Variants in ARID4B observed in about 807,000 individuals in gnomAD.
ARID4B encodes AT-rich interactive domain-containing protein 4B.
Under a neutral mutation model 147.5 loss-of-function variants are expected in ARID4B, and 26 were observed. The observed-to-expected ratio is 0.18, with a 90% confidence interval of 0.13 to 0.24. The LOEUF is 0.24. Ranked by LOEUF, ARID4B falls within the 10% of genes least tolerant of loss-of-function variation. ARID4B has a pLI of 1.00. For missense variants in ARID4B, 1,179 were observed against 1,511.5 expected, an observed-to-expected ratio of 0.78 and a Z score of 3.65; for synonymous variants, 512 against 507.9, an observed-to-expected ratio of 1.01 and a Z score of -0.11.
chr1:235,175,292 C>A lies in ARID4B; in HGVS notation c.3556G>T (p.Ala1186Ser), dbSNP rs769852275. The A allele has an allele frequency of 1.9e-6, 3 of 1,614,044 alleles. No individual in the cohort carries two copies. Among genetic ancestry groups the A allele is most frequent in the Admixed American group, 1.7e-5 (1 of 60,004 alleles). Residue 1186 changes from alanine (A) to serine (S), a missense_variant, in exon 22 of 24, where the codon GCA becomes TCA. Transcript: ENST00000264183. ...GMKSHSTKSP[A>S]RTQSPGKCGK... is the part of the protein sequence containing the mutation. ...CATTTTCCTGGAGACTGCGTCCTTG[C>A]GGGAGATTTGGTACTATGAGACTTC...
At chr1:235,220,898 TTG>T (rs1471930427) in intron 14 of ARID4B, among the ~76,000 whole-genome samples, 4 of 151,526 alleles carry the variant, frequency 2.6e-5, no homozygotes, top group Non-Finnish European at 5.9e-5. Context: ...TTGTTTTTTT[TTG>T]TTTTTTTTTG....
intron 19 of ARID4B, among the ~76,000 whole-genome samples, chr1:235,183,159 G>C (rs1449704572): frequency 2.0e-5 from 3 of 150,458 alleles, no homozygotes; most frequent in Non-Finnish European, 4.4e-5. Flanking sequence ...ATATATCTGA[G>C]AAAATAGTGG....
intron 20 of ARID4B, among the ~76,000 whole-genome samples, chr1:235,179,499 G>C (rs1316673144): frequency 3.7e-5 from 4 of 109,094 alleles, no homozygotes; most frequent in Non-Finnish European, 5.5e-5. Flanking sequence ...CTCCAGCCTG[G>C]GCAACAAGAG....
At chr1:235,223,369 G>GTATATATATATATATATATATACACGTA in intron 12 of ARID4B, 109 bp from the exon 13 acceptor site, 1 of 165,692 alleles carries the variant, frequency 6.0e-6, no homozygotes, top group Non-Finnish European at 1.1e-5. Context: ...ATATATACAC[G>GTATATATATATATATATATATACACGTA]TATATATATA....
chr1:235,177,112 T>C (rs978393916), intron 21 of ARID4B, among the ~76,000 whole-genome samples: 1 of 152,232 alleles, frequency 6.6e-6, no homozygotes, highest in Non-Finnish European at 1.5e-5. Context: ...ACAAATGTTG[T>C]AGACTGGAGT....
intron 19 of ARID4B, among the ~76,000 whole-genome samples, chr1:235,191,560 G>C (rs189026104): frequency 1.3e-5 from 2 of 151,982 alleles, no homozygotes; most frequent in African/African-American, 4.8e-5. Flanking sequence ...CCAGCCAAAT[G>C]TGTCAGATAT....
chr1:235,229,228 T>C lies in ARID4B; in HGVS notation c.897+3A>G, dbSNP rs1268964879. 1 of 1,608,170 alleles carries C rather than the reference T, an allele frequency of 6.2e-7. No homozygotes were observed. Among genetic ancestry groups the C allele is most frequent in the South Asian group, 1.1e-5 (1 of 89,898 alleles). ...TTAAAAGGTATCAACTGTTTTCACT[T>C]ACTTCTTCTTCACTGCTATTATCCT... On this transcript the variant is annotated splice_donor_region_variant and intron_variant, in intron 11 of 23. Coordinates refer to ENST00000264183, the MANE Select transcript of ARID4B (RefSeq NM_016374.6).
chr1:235,186,124 C>T (rs954026052), intron 19 of ARID4B, among the ~76,000 whole-genome samples: 7 of 151,902 alleles, frequency 4.6e-5, no homozygotes, highest in Admixed American at 3.3e-4. Flanking sequence ...TGCATGCCAC[C>T]ACACCCAGCT....
At chr1:235,208,761 C>T (rs1666499587) in intron 17 of ARID4B, among the ~76,000 whole-genome samples, 1 of 152,148 alleles carries the variant, frequency 6.6e-6, no homozygotes, top group Non-Finnish European at 1.5e-5. Flanking sequence ...AGGTGATCCG[C>T]CCACCTCGGC....
At chr1:235,242,602 T>G (rs1669060076) in intron 7 of ARID4B, among the ~76,000 whole-genome samples, 1 of 152,210 alleles carries the variant, frequency 6.6e-6, no homozygotes, top group Non-Finnish European at 1.5e-5. Context: ...ATGTCAGAGA[T>G]AACACATATC....
At position 235,257,225 on chromosome 1, in the gene ARID4B, C is replaced by A. The variant is rs1670040391; in HGVS notation, c.118G>T (p.Val40Leu). ...KTAKRLVKVK[V>L]TFRHDSSTVE... ...GTTGAAGAATCATGTCTAAATGTCA[C>A]CTAGAGATTATAAGTTTAATTAGCC... is the stretch of plus-strand genomic sequence containing the variant. The change falls in exon 4 of 24, where the codon GTG (valine) becomes TTG (leucine). Residue 40 changes from valine (V) to leucine (L), a missense_variant and splice_region_variant. Val to Leu is a conservative substitution (Grantham distance 32). Transcript: ENST00000264183. The A allele has an allele frequency of 6.2e-7, 1 of 1,610,062 alleles. No individual in the cohort carries two copies. Among genetic ancestry groups the A allele is most frequent in the Non-Finnish European group, 8.5e-7 (1 of 1,176,886 alleles).
chr1:235,327,020 C>T, intron 1 of ARID4B, 52 bp from the exon 2 acceptor site: 1 of 1,246,970 alleles, frequency 8.0e-7, no homozygotes, highest in Non-Finnish European at 1.2e-6. Context: ...CCCCTCTGCA[C>T]TGGCGGAGGC....
intron 1 of ARID4B, chr1:235,327,327 C>T (rs1417815876): frequency 6.5e-6 from 1 of 154,402 alleles, no homozygotes; most frequent in Non-Finnish European, 1.4e-5. Flanking sequence ...AATCCGCGCC[C>T]CCACGCGCCG....
chr1:235,294,382 G>A (rs1672542113), intron 2 of ARID4B, among the ~76,000 whole-genome samples: 1 of 128,854 alleles, frequency 7.8e-6, no homozygotes. Flanking sequence ...GTGTGATCTC[G>A]GCTCACTGCA....
chr1:235,185,112 T>C (rs1422992230), intron 19 of ARID4B, among the ~76,000 whole-genome samples: 1 of 152,212 alleles, frequency 6.6e-6, no homozygotes, highest in African/African-American at 2.4e-5. Context: ...CCAACGTCCC[T>C]GGCCTGCTGA....
At chr1:235,316,871 AC>A (rs1674479022) in intron 2 of ARID4B, among the ~76,000 whole-genome samples, 1 of 115,214 alleles carries the variant, frequency 8.7e-6, no homozygotes, top group Non-Finnish European at 1.9e-5. Context: ...TACGTAAAAC[AC>A]AAAAAATCAG....
chr1:235,240,930 C>T (rs948645708), intron 7 of ARID4B, among the ~76,000 whole-genome samples: 3 of 152,162 alleles, frequency 2.0e-5, no homozygotes, highest in Non-Finnish European at 4.4e-5. Flanking sequence ...ATCACCACTG[C>T]TATCCATAAC....
intron 10 of ARID4B, among the ~76,000 whole-genome samples, chr1:235,229,747 A>C (rs1011208285): frequency 6.6e-6 from 1 of 152,256 alleles, no homozygotes; most frequent in Non-Finnish European, 1.5e-5. Flanking sequence ...ATTATCAAAC[A>C]GTATTAATAC....
chr1:235,266,035 T>C (rs755677186), intron 2 of ARID4B, among the ~76,000 whole-genome samples: 1 of 152,206 alleles, frequency 6.6e-6, no homozygotes, highest in African/African-American at 2.4e-5. Context: ...TAATTGTGTA[T>C]ATACGTGGGG....
Sources: allele counts gnomAD v4.1 joint callset (sites outside exome capture counted in the v4.1 genomes callset), GRCh38; gene constraint gnomAD v4.1.1; transcripts MANE v1.5; gene names NCBI Gene and HGNC (gene_info 2026-07-23, HGNC 2026-07-21).